Variants in ENTREP2 observed in about 807,000 individuals in gnomAD.
ENTREP2 encodes endosomal transmembrane epsin interactor 2, also known as protein ENTREP2.
At chr15:29,587,502 A>G in the ENTREP2 span, among the ~76,000 whole-genome samples, 1 of 152,224 alleles carries the variant, frequency 6.6e-6, no homozygotes, top group African/African-American at 2.4e-5. Context: ...GTTTAAATTC[A>G]GAAGTTTATA....
At chr15:29,280,853 G>A in the ENTREP2 span, among the ~76,000 whole-genome samples, 365 of 152,274 alleles carry the variant, frequency 2.4e-3, no homozygotes, top group Non-Finnish European at 3.6e-3. Flanking sequence ...TGGATAAACC[G>A]GGGCATCCTT....
At chr15:29,554,131 G>T in the ENTREP2 span, among the ~76,000 whole-genome samples, 1 of 152,036 alleles carries the variant, frequency 6.6e-6, no homozygotes, top group African/African-American at 2.4e-5. Flanking sequence ...TGATCAACAT[G>T]TTGAAACCCC....
chr15:29,354,156 C>G, the ENTREP2 span, among the ~76,000 whole-genome samples: 2 of 152,216 alleles, frequency 1.3e-5, no homozygotes, highest in South Asian at 4.1e-4. Flanking sequence ...GGCGCCGTCT[C>G]TCTCCCCTTG....
the ENTREP2 span, among the ~76,000 whole-genome samples, chr15:29,254,070 A>G: frequency 6.7e-6 from 1 of 150,284 alleles, no homozygotes; most frequent in Non-Finnish European, 1.5e-5. Flanking sequence ...GCCAAATCTA[A>G]TGAAGAAAGA....
chr15:29,594,379 C>T, the ENTREP2 span, among the ~76,000 whole-genome samples: 1 of 152,158 alleles, frequency 6.6e-6, no homozygotes, highest in Non-Finnish European at 1.5e-5. Flanking sequence ...GCTTCCTCCC[C>T]GACATGCCTC....
At chr15:29,263,136 G>A in the ENTREP2 span, among the ~76,000 whole-genome samples, 119 of 152,202 alleles carry the variant, frequency 7.8e-4, no homozygotes, top group Admixed American at 1.2e-3. Flanking sequence ...GAAAATACAA[G>A]TGACCAAAAC....
chr15:29,639,937 T>C, the ENTREP2 span, among the ~76,000 whole-genome samples: 4 of 151,812 alleles, frequency 2.6e-5, no homozygotes, highest in Non-Finnish European at 4.4e-5. Context: ...CCCAGCTAAT[T>C]TTTGTATTTT....
At chr15:29,664,606 A>T in the ENTREP2 span, among the ~76,000 whole-genome samples, 1 of 152,054 alleles carries the variant, frequency 6.6e-6, no homozygotes, top group Non-Finnish European at 1.5e-5. Flanking sequence ...TATCCCCAAC[A>T]CAAACGCGCC....
the ENTREP2 span, among the ~76,000 whole-genome samples, chr15:29,128,545 G>A: frequency 1.3e-5 from 2 of 152,086 alleles, no homozygotes; most frequent in Non-Finnish European, 2.9e-5. Context: ...AGGTCTCCCC[G>A]GAGAGCGCAG....
At chr15:29,268,539 A>C in the ENTREP2 span, 30 of 434,594 alleles carry the variant, frequency 6.9e-5, no homozygotes, top group Non-Finnish European at 1.1e-4. Context: ...AATTCGTTTT[A>C]CTAAGCTAGC....
At chr15:29,320,545 G>C in the ENTREP2 span, among the ~76,000 whole-genome samples, 1 of 152,166 alleles carries the variant, frequency 6.6e-6, no homozygotes, top group Admixed American at 6.5e-5. Flanking sequence ...AACAGAACCA[G>C]ACTGAGACAC....
the ENTREP2 span, chr15:29,452,434 A>G: frequency 0.5 from 75,896 of 151,818 alleles, 19,922 homozygotes; most frequent in South Asian, 0.62. Context: ...GCCACATGGT[A>G]TGGAATGGGG....
At chr15:29,650,163 G>A in the ENTREP2 span, among the ~76,000 whole-genome samples, 1 of 151,614 alleles carries the variant, frequency 6.6e-6, no homozygotes, top group African/African-American at 2.4e-5. Flanking sequence ...AAAAGCCACT[G>A]CAATAACTAA....
the ENTREP2 span, among the ~76,000 whole-genome samples, chr15:29,483,131 A>G: frequency 2.0e-4 from 31 of 152,336 alleles, no homozygotes; most frequent in African/African-American, 6.7e-4. Flanking sequence ...TGACAACTGT[A>G]TATCTTCAGT....
the ENTREP2 span, among the ~76,000 whole-genome samples, chr15:29,565,477 CAGG>C: frequency 6.6e-6 from 1 of 151,752 alleles, no homozygotes; most frequent in Non-Finnish European, 1.5e-5. Flanking sequence ...TTATTCCCAG[CAGG>C]AGAATAACTG....
chr15:29,212,082 T>C, the ENTREP2 span, among the ~76,000 whole-genome samples: 1 of 150,546 alleles, frequency 6.6e-6, no homozygotes, highest in Non-Finnish European at 1.5e-5. Context: ...TCTGGTAGAA[T>C]TCTGCTGTGA....
chr15:29,207,133 C>A, the ENTREP2 span, among the ~76,000 whole-genome samples: 3 of 152,142 alleles, frequency 2.0e-5, no homozygotes, highest in Non-Finnish European at 4.4e-5. Flanking sequence ...AAGGACTGGG[C>A]ACCTTTTTGT....
chr15:29,379,789 G>A, the ENTREP2 span, among the ~76,000 whole-genome samples: 7 of 152,106 alleles, frequency 4.6e-5, no homozygotes, highest in Admixed American at 2.0e-4. Flanking sequence ...TGGGGGTGGC[G>A]CGCGGGGGTG....
At chr15:29,443,589 C>T in the ENTREP2 span, among the ~76,000 whole-genome samples, 85 of 152,072 alleles carry the variant, frequency 5.6e-4, 1 homozygote, top group Admixed American at 1.8e-3. Flanking sequence ...AAGAAGTGTC[C>T]GAGGCAGAGC....
Sources: gnomAD v4.1 joint callset for allele counts (sites outside exome capture counted in the v4.1 genomes callset) on GRCh38, gnomAD v4.1.1 for gene constraint, MANE v1.5 for transcripts, NCBI Gene and HGNC (gene_info 2026-07-23, HGNC 2026-07-21) for gene names.